WDFY1: variants seen among roughly 807,000 people sequenced by gnomAD.
The protein encoded by WDFY1 is WD repeat and FYVE domain containing 1.
In WDFY1, 32 loss-of-function variants were observed where a neutral mutation model predicts 56.4. The observed-to-expected ratio is 0.57, with a 90% CI of 0.43 to 0.76. The LOEUF is 0.76. Among genes scored for constraint, WDFY1 ranks in the 30% least tolerant of loss-of-function variants. The pLI is 0.00. For synonymous variants in WDFY1, 192 were observed against 197.3 expected, an observed-to-expected ratio of 0.97 and a Z score of 0.23; for missense variants, 480 against 545.7, an observed-to-expected ratio of 0.88 and a Z score of 1.20.
intron 1 of WDFY1, among the ~76,000 whole-genome samples, chr2:223,932,183 T>C (rs552517547): frequency 2.9e-4 from 39 of 135,510 alleles, no homozygotes; most frequent in Non-Finnish European, 5.2e-4. Flanking sequence ...AGTGCAGTGG[T>C]GCAATCTCGG....
intron 1 of WDFY1, among the ~76,000 whole-genome samples, chr2:223,929,361 T>A (rs2106099326): frequency 6.6e-6 from 1 of 152,104 alleles, no homozygotes; most frequent in Admixed American, 6.6e-5. Flanking sequence ...CTAATTTTTG[T>A]ATTTTTAGTA....
At chr2:223,913,993 C>CTTTTTTTTTT (rs386392770) in intron 2 of WDFY1, among the ~76,000 whole-genome samples, 72 of 88,134 alleles carry the variant, frequency 8.2e-4, no homozygotes, top group East Asian at 1.6e-3. Context: ...AATCAGTTAG[C>CTTTTTTTTTT]TTTTTTTTTT....
In WDFY1 at chr2:223,917,923, G is replaced by A. The variant is rs969100741; in HGVS notation, c.205+20C>T. On this transcript the variant is annotated intron_variant, in intron 2 of 11. Coordinates refer to ENST00000233055, the MANE Select transcript of WDFY1 (RefSeq NM_020830.5). ...AACATTAGAGACATTTCTCTCAAAT[G>A]GAACAGTTCAGCTACTTACAGGCCA... The A allele has an allele frequency of 1.9e-6, 3 of 1,612,182 alleles. No homozygotes were observed. In the Admixed American group the frequency reaches 5.0e-5, roughly 27 times the overall value.
In WDFY1 at chr2:223,880,164, C is replaced by T; in HGVS notation, c.1133G>A (p.Arg378Lys). 1 of 1,614,186 alleles carries T rather than the reference C, an allele frequency of 6.2e-7. No individual in the cohort carries two copies. Among genetic ancestry groups the T allele is most frequent in the Non-Finnish European group, 8.5e-7 (1 of 1,180,012 alleles). Residue 378 changes from arginine to lysine, a missense_variant, in exon 11 of 12, where the codon AGG (arginine) becomes AAG (lysine). Coordinates refer to ENST00000233055, the MANE Select transcript of WDFY1 (RefSeq NM_020830.5). ...NISHMSMDIA[R>K]GLMVTCGTDR... ...GGTCCCACAGGTCACCATCAGTCCC[C>T]TGGCAATGTCCATGGACATGTGGGA...
At chr2:223,927,881 T>C (rs1694011781) in intron 1 of WDFY1, among the ~76,000 whole-genome samples, 1 of 152,028 alleles carries the variant, frequency 6.6e-6, no homozygotes, top group African/African-American at 2.4e-5. Context: ...ACTGGCCTAA[T>C]TTCAATATTG....
At chr2:223,898,616 G>A (rs1301041487) in intron 6 of WDFY1, among the ~76,000 whole-genome samples, 1 of 152,134 alleles carries the variant, frequency 6.6e-6, no homozygotes, top group Non-Finnish European at 1.5e-5. Context: ...GTGTTGGCCA[G>A]GCTGGTCTCG....
intron 8 of WDFY1, among the ~76,000 whole-genome samples, chr2:223,885,319 T>C (rs1321154624): frequency 1.3e-5 from 2 of 152,086 alleles, no homozygotes; most frequent in Admixed American, 1.3e-4. Flanking sequence ...GCCTCCCGAA[T>C]AGCTGGGACC....
At chr2:223,918,128 C>T in intron 1 of WDFY1, 118 bp from the exon 2 acceptor site, 1 of 978,160 alleles carries the variant, frequency 1.0e-6, no homozygotes, top group Non-Finnish European at 1.5e-6. Flanking sequence ...CCTTATAAAA[C>T]TAACTGGACA....
chr2:223,878,973 C>T (rs888706563), intron 11 of WDFY1, among the ~76,000 whole-genome samples: 10 of 152,168 alleles, frequency 6.6e-5, no homozygotes, highest in Non-Finnish European at 1.2e-4. Context: ...CACTTGAGCC[C>T]AGGAGTTCAA....
intron 8 of WDFY1, among the ~76,000 whole-genome samples, chr2:223,891,694 T>A (rs1230588104): frequency 6.6e-6 from 1 of 152,090 alleles, no homozygotes; most frequent in East Asian, 1.9e-4. Flanking sequence ...TCTAAAAGAA[T>A]TTACCAACGA....
At chr2:223,894,714 G>T (rs1353742979) in intron 7 of WDFY1, among the ~76,000 whole-genome samples, 2 of 152,112 alleles carry the variant, frequency 1.3e-5, no homozygotes, top group Non-Finnish European at 2.9e-5. Flanking sequence ...CAATTCATAT[G>T]AACAAGGAGT....
At chr2:223,880,561 T>C (rs1204200858) in intron 10 of WDFY1, among the ~76,000 whole-genome samples, 6 of 149,832 alleles carry the variant, frequency 4.0e-5, no homozygotes, top group African/African-American at 1.5e-4. Flanking sequence ...GAGCCGAGAT[T>C]GTACCACTGC....
rs777220834 is a variant in WDFY1, at chr2:223,878,594, C to T, written c.*77G>A. On this transcript the variant is annotated 3_prime_UTR_variant, in exon 12 of 12. Coordinates refer to ENST00000233055, the MANE Select transcript of WDFY1 (RefSeq NM_020830.5). ...TGGCTACTGTCCATTCACGAGACAG[C>T]GCTGTGGAGCTGCGTGAGAGGGACT... The T allele has an allele frequency of 4.0e-5, 44 of 1,100,720 alleles. No homozygotes were observed. Among genetic ancestry groups the T allele is most frequent in the South Asian group, 1.4e-4 (11 of 77,502 alleles). 68.2% of individuals were successfully genotyped at this position (1,100,720 alleles called of 1,614,324 possible). A position where few individuals can be genotyped will look rare whatever the true frequency, so the allele number is the denominator to read the frequency against.
At chr2:223,945,055 C>A (rs1276833635) in intron 1 of WDFY1, 93 bp downstream of exon 1, 1 of 1,406,302 alleles carries the variant, frequency 7.1e-7, no homozygotes, top group East Asian at 2.9e-5. Context: ...GGGGGAGCCC[C>A]CTCACGCAGG....
chr2:223,944,952 G>C (rs1689383899), intron 1 of WDFY1, among the ~76,000 whole-genome samples, 196 bp downstream of exon 1: 1 of 152,172 alleles, frequency 6.6e-6, no homozygotes, highest in Non-Finnish European at 1.5e-5. Context: ...TCCCAGGCTG[G>C]AAAGGTGCAA....
At chr2:223,886,380 TC>T (rs1459817882) in intron 8 of WDFY1, among the ~76,000 whole-genome samples, 2 of 151,504 alleles carry the variant, frequency 1.3e-5, no homozygotes, top group Admixed American at 1.3e-4. Flanking sequence ...AGAAAATATT[TC>T]TCTAAACAAA....
chr2:223,939,454 G>A (rs1484165830), intron 1 of WDFY1, among the ~76,000 whole-genome samples: 6 of 152,146 alleles, frequency 3.9e-5, no homozygotes, highest in Admixed American at 3.3e-4. Context: ...TACAGTATTA[G>A]TCCGTTTTCA....
intron 1 of WDFY1, among the ~76,000 whole-genome samples, chr2:223,931,451 T>C (rs1574780581): frequency 6.6e-6 from 1 of 152,346 alleles, no homozygotes; most frequent in East Asian, 1.9e-4. Context: ...ATATGCCTGA[T>C]GATCATAATA....
At chr2:223,883,587 G>A in intron 9 of WDFY1, among the ~76,000 whole-genome samples, 1 of 147,854 alleles carries the variant, frequency 6.8e-6, no homozygotes. Context: ...TTGCCTGCCA[G>A]TCTCATATGA....
Sources: allele counts gnomAD v4.1 joint callset (sites outside exome capture counted in the v4.1 genomes callset), GRCh38; gene constraint gnomAD v4.1.1; transcripts MANE v1.5; gene names NCBI Gene and HGNC (gene_info 2026-07-23, HGNC 2026-07-21).